PHACTR3: variants seen among roughly 807,000 people sequenced by gnomAD.
PHACTR3 encodes protein phosphatase 1, regulatory subunit 123.
In PHACTR3, 16 loss-of-function variants were observed where a neutral mutation model predicts 66.8. The observed-to-expected ratio is 0.24, with a 90% CI of 0.16 to 0.36. PHACTR3 has a LOEUF of 0.36. Ranked by LOEUF, PHACTR3 falls within the 10% of genes least tolerant of loss-of-function variation. The pLI, the probability that PHACTR3 is intolerant of heterozygous loss-of-function variation, is 1.00. For synonymous variants in PHACTR3, 323 were observed against 292.1 expected, an observed-to-expected ratio of 1.11 and a Z score of -1.08; for missense variants, 647 against 719.9, an observed-to-expected ratio of 0.90 and a Z score of 1.16.
chr20:59,716,144 C>T (rs778885395), intron 1 of PHACTR3, among the ~76,000 whole-genome samples: 5 of 151,890 alleles, frequency 3.3e-5, no homozygotes, highest in Non-Finnish European at 7.4e-5. Flanking sequence ...TCCACCCAGA[C>T]ATTGCTTCGG....
intron 1 of PHACTR3, among the ~76,000 whole-genome samples, chr20:59,630,898 G>T (rs542062202): frequency 1.3e-5 from 2 of 152,262 alleles, no homozygotes; most frequent in Admixed American, 1.3e-4. Flanking sequence ...ATTCGAGGAG[G>T]AAAGTTACAC....
chr20:59,696,371 A>G (rs2037297666), intron 1 of PHACTR3, among the ~76,000 whole-genome samples: 1 of 152,166 alleles, frequency 6.6e-6, no homozygotes, highest in Admixed American at 6.5e-5. Flanking sequence ...GGCTTTACTG[A>G]GAGCCTCTGA....
At chr20:59,767,162 C>T (rs761185188) in intron 4 of PHACTR3, 24 bp from the exon 5 acceptor site, 1 of 1,613,108 alleles carries the variant, frequency 6.2e-7, no homozygotes, top group South Asian at 1.1e-5. Context: ...ATGTTTTTAA[C>T]TCTCTGCTTT....
At position 59,799,060 on chromosome 20, in the gene PHACTR3, A is replaced by G. The variant is rs537431411; in HGVS notation, c.1175-6981A>G. Among the ~76,000 whole-genome samples the G allele has an allele frequency of 2.6e-5, 4 of 152,232 alleles. No individual in the cohort carries two copies. In the South Asian group the frequency reaches 6.2e-4, roughly 24 times the overall value. On this transcript the variant is annotated intron_variant, in intron 7 of 12. Coordinates refer to ENST00000371015, the MANE Select transcript of PHACTR3 (RefSeq NM_080672.5). ...GGAGCCATGAATTATTCAGGAATTT[A>G]ATTTAGTTTCCAAATATGTGGGTTT...
chr20:59,826,518 A>C (rs189703711), intron 8 of PHACTR3, among the ~76,000 whole-genome samples: 85 of 152,222 alleles, frequency 5.6e-4, no homozygotes, highest in African/African-American at 1.8e-3. Context: ...ATTACAGGGC[A>C]CATGCTGTCC....
intron 5 of PHACTR3, among the ~76,000 whole-genome samples, chr20:59,769,585 C>T (rs550119299): frequency 6.6e-6 from 1 of 152,352 alleles, no homozygotes; most frequent in Non-Finnish European, 1.5e-5. Context: ...GAGCCATACA[C>T]GCCTTGTCTG....
At chr20:59,787,429 G>A (rs1337230360) in intron 7 of PHACTR3, among the ~76,000 whole-genome samples, 5 of 152,220 alleles carry the variant, frequency 3.3e-5, no homozygotes, top group South Asian at 2.1e-4. Context: ...TTTGAGGGAC[G>A]AAAGGGAAGA....
intron 1 of PHACTR3, among the ~76,000 whole-genome samples, chr20:59,742,150 G>C (rs2039186435): frequency 6.6e-6 from 1 of 152,204 alleles, no homozygotes; most frequent in Non-Finnish European, 1.5e-5. Context: ...TCGCACACTG[G>C]TGGCGTGTGC....
chr20:59,708,536 G>A (rs1601155641), intron 1 of PHACTR3, among the ~76,000 whole-genome samples: 1 of 152,162 alleles, frequency 6.6e-6, no homozygotes, highest in Non-Finnish European at 1.5e-5. Flanking sequence ...GTGGGGATGT[G>A]TAATTCCCTC....
rs367577297 is a variant in PHACTR3, at chr20:59,812,338, C to T, written c.1328+6144C>T. On this transcript the variant is annotated intron_variant, in intron 8 of 12. Coordinates refer to ENST00000371015, the MANE Select transcript of PHACTR3 (RefSeq NM_080672.5). ...CTTAGCATGTTCATACAGCAGTTAG[C>T]GGATCTCTGAGTGGCTTCTCTGCAC... Among the ~76,000 whole-genome samples the T allele has an allele frequency of 5.3e-5, 8 of 152,322 alleles. No individual in the cohort carries two copies. In the East Asian group the frequency reaches 7.7e-4, roughly 15 times the overall value.
chr20:59,647,676 A>T (rs1274787522), intron 1 of PHACTR3, among the ~76,000 whole-genome samples: 1 of 152,194 alleles, frequency 6.6e-6, no homozygotes, highest in African/African-American at 2.4e-5. Context: ...AAAGAAATGA[A>T]TGCCATTATT....
chr20:59,738,275 T>C lies in PHACTR3; in HGVS notation c.119-4832T>C, dbSNP rs1473337905. ...AGCCCCCATGTTCTTCACAGCTACG[T>C]CACACTGGCTTCCATGGCACATGGC... On this transcript the variant is annotated intron_variant, in intron 1 of 12. Coordinates refer to ENST00000371015, the MANE Select transcript of PHACTR3 (RefSeq NM_080672.5). The surrounding 1 kb of genome is among the most constrained non-coding windows in gnomAD (Gnocchi z 4.4). 6.6e-6 allele frequency among the ~76,000 whole-genome samples: 1 copy of C among 152,022 alleles called. No individual in the cohort carries two copies. Among genetic ancestry groups the C allele is most frequent in the Non-Finnish European group, 1.5e-5 (1 of 67,986 alleles).
At chr20:59,635,887 G>T (rs1247080905) in intron 1 of PHACTR3, among the ~76,000 whole-genome samples, 1 of 152,180 alleles carries the variant, frequency 6.6e-6, no homozygotes, top group Non-Finnish European at 1.5e-5. Context: ...ACACAGTTGG[G>T]GACTGTTTTA....
intron 7 of PHACTR3, among the ~76,000 whole-genome samples, chr20:59,803,511 C>A (rs1419424715): frequency 1.3e-5 from 2 of 151,980 alleles, no homozygotes; most frequent in African/African-American, 4.8e-5. Context: ...CTTTTATTTG[C>A]CAATTTATTT....
intron 1 of PHACTR3, among the ~76,000 whole-genome samples, chr20:59,591,503 T>C (rs2033181354): frequency 6.6e-6 from 1 of 152,092 alleles, no homozygotes; most frequent in Admixed American, 6.5e-5. Flanking sequence ...CTGAGGTGTT[T>C]TTGGGTGAGG....
chr20:59,752,960 T>G (rs922509535), intron 3 of PHACTR3, among the ~76,000 whole-genome samples: 10 of 152,008 alleles, frequency 6.6e-5, no homozygotes, highest in African/African-American at 2.4e-4. Flanking sequence ...TGCGAGTAAG[T>G]CGGTCACGAG....
intron 1 of PHACTR3, among the ~76,000 whole-genome samples, chr20:59,674,906 C>A (rs1403151208): frequency 1.0e-5 from 1 of 95,776 alleles, no homozygotes; most frequent in Non-Finnish European, 2.1e-5. Flanking sequence ...CTTCTCCTGC[C>A]TTCTCCTATC....
chr20:59,822,968 C>T (rs555615265), intron 8 of PHACTR3, among the ~76,000 whole-genome samples: 18 of 152,106 alleles, frequency 1.2e-4, no homozygotes, highest in South Asian at 4.1e-4. Flanking sequence ...GGGCCCTGCC[C>T]GAGCAAAAGA....
chr20:59,789,733 C>T (rs1484469175), intron 7 of PHACTR3, among the ~76,000 whole-genome samples: 1 of 152,234 alleles, frequency 6.6e-6, no homozygotes, highest in African/African-American at 2.4e-5. Context: ...GACTCCAGGA[C>T]TGTTCTCACA....
Sources: gnomAD v4.1 joint callset for allele counts (sites outside exome capture counted in the v4.1 genomes callset) on GRCh38, gnomAD v4.1.1 for gene constraint, Gnocchi (gnomAD v3.1) non-coding constraint, MANE v1.5 for transcripts, NCBI Gene and HGNC (gene_info 2026-07-23, HGNC 2026-07-21) for gene names.